The following ATRX variants were observed in gnomAD, a reference collection of about 807,000 sequenced individuals.
ATRX encodes the protein ATRX chromatin remodeler.
Under a neutral mutation model 172.6 loss-of-function variants are expected in ATRX, and 12 were observed. That is an observed-to-expected ratio of 0.07 (90% CI 0.04 to 0.11). The LOEUF is 0.11. Ranked by LOEUF, ATRX falls within the 10% of genes least tolerant of loss-of-function variation. ATRX has a pLI of 1.00. For missense variants in ATRX, 1,368 were observed against 1,767.4 expected (o/e 0.77, Z 4.05); for synonymous variants, 674 against 594.7 (o/e 1.13, Z -1.94).
intron 30 of ATRX, among the ~76,000 whole-genome samples, chrX:77,544,511 C>A (rs1277005220): frequency 3.7e-5 from 4 of 109,364 alleles, no homozygotes; most frequent in African/African-American, 1.3e-4. Flanking sequence ...TGGTGCGCTG[C>A]ACCCACTAAC....
intron 1 of ATRX, among the ~76,000 whole-genome samples, chrX:77,757,792 C>T (rs965569902): frequency 1.3e-4 from 14 of 109,122 alleles, no homozygotes; most frequent in African/African-American, 4.7e-4. Flanking sequence ...CTCCCTCAGC[C>T]TCCCGAGTAG....
chrX:77,694,338 A>T (rs1360777824), intron 5 of ATRX, among the ~76,000 whole-genome samples: 2 of 111,512 alleles, frequency 1.8e-5, no homozygotes, highest in Non-Finnish European at 3.8e-5. Flanking sequence ...TTTTAAAGAC[A>T]TCCTATTTTC....
At position 77,683,963 on chromosome X, in the gene ATRX, C is replaced by G. The variant is rs2148626266; in HGVS notation, c.1293G>C (p.Glu431Asp). ...CAAACTTAGCATCTATGACTTTATG[C>G]TCTTTGGTATTTTTCTCTTTGTTTA... ...DAVNKEKNTK[E>D]HKVIDAKFET... is the part of the protein sequence containing the mutation. The change falls in exon 9 of 35, where the codon GAG (glutamate) becomes GAC (aspartate). Residue 431 changes from glutamate (E) to aspartate (D), a missense_variant. This residue lies in a region of ATRX where 843 missense variants were observed against 643.1 expected (regional missense o/e 1.31). Transcript: ENST00000373344. 8.3e-7 allele frequency: 1 copy of G among 1,210,555 alleles called. No homozygotes were observed. Among genetic ancestry groups the G allele is most frequent in the African/African-American group, 1.7e-5 (1 of 57,802 alleles).
At chrX:77,743,630 T>G (rs1283765100) in intron 1 of ATRX, among the ~76,000 whole-genome samples, 3 of 111,533 alleles carry the variant, frequency 2.7e-5, no homozygotes, top group Admixed American at 1.9e-4. Flanking sequence ...CTGGCCTGGA[T>G]CTCATTGTAA....
chrX:77,618,704 G>T, intron 21 of ATRX, 102 bp downstream of exon 21: 2 of 858,600 alleles, frequency 2.3e-6, no homozygotes, highest in Non-Finnish European at 3.4e-6. Context: ...TGAAAGAGCG[G>T]GAAAGAAAAC....
intron 14 of ATRX, 77 bp from the exon 15 acceptor site, chrX:77,652,430 C>G (rs2148441941): frequency 1.9e-6 from 2 of 1,063,247 alleles, no homozygotes; most frequent in South Asian, 4.1e-5. Context: ...TTAATTAACA[C>G]AGCAGGAAAA....
intron 34 of ATRX, among the ~76,000 whole-genome samples, chrX:77,519,224 T>C (rs908436484): frequency 9.0e-6 from 1 of 111,318 alleles, no homozygotes; most frequent in African/African-American, 3.3e-5. Flanking sequence ...ACCCACAGAA[T>C]GCGAGAAAAT....
At chrX:77,742,485 T>C (rs1656660350) in intron 1 of ATRX, among the ~76,000 whole-genome samples, 1 of 110,959 alleles carries the variant, frequency 9.0e-6, no homozygotes, top group Non-Finnish European at 1.9e-5. Flanking sequence ...TGGAGGAACC[T>C]GGGGAATGGG....
intron 1 of ATRX, among the ~76,000 whole-genome samples, chrX:77,764,669 T>A: frequency 8.9e-6 from 1 of 111,922 alleles, no homozygotes; most frequent in Non-Finnish European, 1.9e-5. Context: ...ACTCCTTTTT[T>A]CCCTCCACCA....
At chrX:77,592,639 C>A (rs782454880) in intron 26 of ATRX, among the ~76,000 whole-genome samples, 2 of 106,838 alleles carry the variant, frequency 1.9e-5, no homozygotes, top group African/African-American at 6.8e-5. Context: ...ATGGAGAAAC[C>A]CCATCTCTAC....
Position 77,642,957 on chromosome X carries a change from T to C in ATRX, c.4558-6901A>G, listed in dbSNP as rs1486131713. ...TAACCCAGGCAACATAGCAAGACCC[T>C]GTCTCTAAAATAACGAAAAAGAAAA... is the stretch of plus-strand genomic sequence containing the variant. On this transcript the variant is annotated intron_variant, in intron 15 of 34. Transcript: ENST00000373344. 2.7e-5 allele frequency among the ~76,000 whole-genome samples: 3 copies of C among 111,170 alleles called. No individual in the cohort carries two copies. The Admixed American group carries it at 2.9e-4, about 11-fold the overall frequency.
At position 77,683,036 on chromosome X, in the gene ATRX, C is replaced by A. The variant is rs781835315; in HGVS notation, c.2220G>T (p.Glu740Asp). The A allele has an allele frequency of 9.9e-6, 12 of 1,210,575 alleles. No homozygotes were observed. Among genetic ancestry groups the A allele is most frequent in the Non-Finnish European group, 1.3e-5 (12 of 894,779 alleles). ...DSDEMLAILK[E>D]VSRMSHSSSS... ...AAGAACTGTGACTCATCCTGCTCACCTCTTTGAGGATTGCTAGCATTTCAT... is the reference window on the plus strand; with the variant it reads ...AAGAACTGTGACTCATCCTGCTCACATCTTTGAGGATTGCTAGCATTTCAT... Residue 740 changes from glutamate (E) to aspartate (D), a missense_variant, in exon 9 of 35, where the codon GAG becomes GAT. Physicochemically the swap from Glu to Asp is conservative, Grantham distance 45. This residue lies in a region of ATRX where 843 missense variants were observed against 643.1 expected (regional missense o/e 1.31). Transcript: ENST00000373344.
chrX:77,636,843 G>C (rs1239378870), intron 15 of ATRX, among the ~76,000 whole-genome samples: 2 of 104,173 alleles, frequency 1.9e-5, no homozygotes, highest in East Asian at 6.0e-4. Flanking sequence ...GAGGAAGGAG[G>C]TGGAAGGAGG....
chrX:77,613,846 A>C, intron 22 of ATRX, among the ~76,000 whole-genome samples: 1 of 112,238 alleles, frequency 8.9e-6, no homozygotes, highest in Non-Finnish European at 1.9e-5. Flanking sequence ...ATATTTAGTT[A>C]TTAAAAAATT....
At chrX:77,763,966 G>C (rs2075816345) in intron 1 of ATRX, among the ~76,000 whole-genome samples, 1 of 109,778 alleles carries the variant, frequency 9.1e-6, no homozygotes, top group Non-Finnish European at 1.9e-5. Context: ...ATACAAAAAT[G>C]AGCCAGGTGT....
intron 30 of ATRX, among the ~76,000 whole-genome samples, chrX:77,547,873 T>C (rs1557054071): frequency 9.0e-6 from 1 of 111,491 alleles, no homozygotes; most frequent in East Asian, 2.8e-4. Context: ...AGCTTAATTT[T>C]CTACTCAGGA....
intron 6 of ATRX, among the ~76,000 whole-genome samples, chrX:77,693,404 G>A (rs1569540292): frequency 8.9e-6 from 1 of 111,742 alleles, no homozygotes. Context: ...TGGAGTCAAG[G>A]GACTTGCATT....
In ATRX at chrX:77,681,771, G is replaced by A. The variant is rs782266843; in HGVS notation, c.3485C>T (p.Ser1162Phe). The A allele has an allele frequency of 6.7e-6, 8 of 1,199,286 alleles. No individual in the cohort carries two copies. Among genetic ancestry groups the A allele is most frequent in the Non-Finnish European group, 9.0e-6 (8 of 892,126 alleles). Residue 1162 changes from serine to phenylalanine, a missense_variant, in exon 9 of 35, where the codon TCT becomes TTT. This residue lies in a region of ATRX where 843 missense variants were observed against 643.1 expected (regional missense o/e 1.31). Coordinates refer to ENST00000373344, the MANE Select transcript of ATRX (RefSeq NM_000489.6). ...GSSSSDAEES[S>F]EDNKKKKQRT... is the part of the protein sequence containing the mutation. ...TTGCTTCTTCTTTTTATTATCTTCAGAACTTTCCTCAGCATCAGATGATGA... is the reference window on the plus strand; with the variant it reads ...TTGCTTCTTCTTTTTATTATCTTCAAAACTTTCCTCAGCATCAGATGATGA...
At chrX:77,521,794 T>C in intron 32 of ATRX, 2 of 234,139 alleles carry the variant, frequency 8.5e-6, no homozygotes, top group Non-Finnish European at 1.5e-5. Flanking sequence ...ATTATTGGTA[T>C]AATAAAAACC....
Sources: allele counts gnomAD v4.1 joint callset (sites outside exome capture counted in the v4.1 genomes callset), GRCh38; gene constraint gnomAD v4.1.1; regional missense constraint gnomAD v4.1.1; transcripts MANE v1.5; gene names NCBI Gene and HGNC (gene_info 2026-07-23, HGNC 2026-07-21).